The following RHOU variants were observed in gnomAD, a reference collection of about 807,000 sequenced individuals.
RHOU encodes rho-related GTP-binding protein RhoU.
In RHOU, 8 loss-of-function variants were observed where a neutral mutation model predicts 12.6. The ratio of observed to expected loss-of-function variants is 0.64; its 90% CI spans 0.37 to 1.15. The LOEUF (loss-of-function observed/expected upper bound fraction) is 1.15, where lower values mean the gene tolerates loss of function less well. Among genes scored for constraint, RHOU ranks in the 50% most tolerant of loss-of-function variants. RHOU has a pLI of 0.01. For missense variants in RHOU, 258 were observed against 347.0 expected (o/e 0.74, Z 2.04); for synonymous variants, 161 against 147.4 (o/e 1.09, Z -0.67).
the RHOU span, among the ~76,000 whole-genome samples, chr1:228,723,972 C>T: frequency 1.3e-5 from 2 of 152,186 alleles, no homozygotes; most frequent in African/African-American, 4.8e-5. Flanking sequence ...GACTTGCTCT[C>T]TTACATCTTT....
the RHOU span, among the ~76,000 whole-genome samples, chr1:228,654,521 T>C: frequency 1.4e-3 from 217 of 152,320 alleles, 1 homozygote; most frequent in Non-Finnish European, 2.9e-3. Flanking sequence ...AACAAGAAGT[T>C]GATTGGCTTC....
rs1199047526 is a variant in RHOU at position 228,737,763 on chromosome 1, A to G, written c.321+32A>G. 2 of 1,607,954 alleles carry G rather than the reference A, an allele frequency of 1.2e-6. No homozygotes were observed. The highest frequency in any genetic ancestry group is 3.3e-5 in the Admixed American group (2 of 60,010). On this transcript the variant is annotated intron_variant, in intron 2 of 2. Transcript: ENST00000366691. The surrounding 1 kb of genome is among the most constrained non-coding windows in gnomAD (Gnocchi z 4.1). ...ATCACGTTACAGCTCAGTGCTGGGA[A>G]AGGAAACAGCCTTTTAAAGATTTCC...
chr1:228,732,692 T>A (rs1662519341), upstream of RHOU, among the ~76,000 whole-genome samples: 1 of 151,668 alleles, frequency 6.6e-6, no homozygotes, highest in African/African-American at 2.4e-5. Flanking sequence ...GGGCGTGGGA[T>A]GATATTCAGC....
chr1:228,723,269 A>T, the RHOU span, among the ~76,000 whole-genome samples: 2 of 152,234 alleles, frequency 1.3e-5, no homozygotes, highest in African/African-American at 2.4e-5. Context: ...AGAAGGAAGA[A>T]GTACAGAGAC....
the RHOU span, among the ~76,000 whole-genome samples, chr1:228,707,251 ATATAGTGTGTGTGTGTGT>A: frequency 0.074 from 7,087 of 96,030 alleles, 286 homozygotes; most frequent in Middle Eastern, 0.2. Flanking sequence ...ATATATATAT[ATATAGTGTGTGTGTGTGT>A]GTGTGTGTGT....
chr1:228,705,093 C>T, the RHOU span, among the ~76,000 whole-genome samples: 6 of 151,866 alleles, frequency 4.0e-5, no homozygotes, highest in African/African-American at 1.2e-4. Context: ...TGAGCCACCA[C>T]ACCTGGCCAA....
the RHOU span, among the ~76,000 whole-genome samples, chr1:228,716,091 CT>C: frequency 6.6e-6 from 1 of 151,914 alleles, no homozygotes; most frequent in African/African-American, 2.4e-5. Context: ...TAACAAAAAT[CT>C]TTTTTGTAAA....
At chr1:228,716,641 A>G in the RHOU span, among the ~76,000 whole-genome samples, 1 of 152,084 alleles carries the variant, frequency 6.6e-6, no homozygotes, top group African/African-American at 2.4e-5. Context: ...TGGTCACAAC[A>G]TAGTTGACAT....
the RHOU span, among the ~76,000 whole-genome samples, chr1:228,647,058 A>G: frequency 1.3e-5 from 2 of 152,156 alleles, no homozygotes; most frequent in East Asian, 3.9e-4. Flanking sequence ...CTAGAGAGCG[A>G]GAACGTTTGA....
At chr1:228,711,264 C>T in the RHOU span, among the ~76,000 whole-genome samples, 1 of 151,964 alleles carries the variant, frequency 6.6e-6, no homozygotes, top group Admixed American at 6.6e-5. Flanking sequence ...GTGCCATCCC[C>T]ATCAAGCTAC....
the RHOU span, among the ~76,000 whole-genome samples, chr1:228,711,896 T>TCA: frequency 1.4e-5 from 2 of 143,428 alleles, no homozygotes; most frequent in Non-Finnish European, 3.0e-5. Context: ...GAGAAAATTT[T>TCA]CACAACCTAC....
the RHOU span, among the ~76,000 whole-genome samples, chr1:228,725,523 G>A: frequency 6.6e-6 from 1 of 152,110 alleles, no homozygotes; most frequent in Non-Finnish European, 1.5e-5. Flanking sequence ...GCAGCAACAA[G>A]GGACGCCATC....
chr1:228,743,852 A>G lies in RHOU; in HGVS notation c.*112A>G. ...GAACCTATATCGAGAGTGTGTGTATATGTATTATAGGAGGAGCTCTCAATT... is the reference window on the plus strand; with the variant it reads ...GAACCTATATCGAGAGTGTGTGTATGTGTATTATAGGAGGAGCTCTCAATT... On this transcript the variant is annotated 3_prime_UTR_variant, in exon 3 of 3. Transcript: ENST00000366691. This position sits in a 1 kb window ranked among gnomAD's most constrained non-coding sequence, Gnocchi z 5.1. 1 of 900,668 alleles carries G rather than the reference A, an allele frequency of 1.1e-6. No homozygotes were observed. The highest frequency in any genetic ancestry group is 1.7e-6 in the Non-Finnish European group (1 of 595,906). The allele number at this position is 900,668 out of a possible 1,614,324, so 55.8% of individuals were successfully genotyped here.
the RHOU span, among the ~76,000 whole-genome samples, chr1:228,693,410 C>G: frequency 6.6e-6 from 1 of 152,054 alleles, no homozygotes; most frequent in Non-Finnish European, 1.5e-5. Context: ...AACACACATT[C>G]AAGGAAAAAG....
the RHOU span, among the ~76,000 whole-genome samples, chr1:228,690,699 C>G: frequency 6.6e-6 from 1 of 152,010 alleles, no homozygotes; most frequent in Non-Finnish European, 1.5e-5. Flanking sequence ...CTCACTGAAA[C>G]CTTTGCCTTC....
At position 228,738,163 on chromosome 1, in the gene RHOU, C is replaced by T. The variant is rs987933671; in HGVS notation, c.321+432C>T. ...TTGCTCAAGAAAAAGATGGAATTTA[C>T]ATCAGTAAGGGTTAATATTTCCCTT... is the stretch of plus-strand genomic sequence containing the variant. On this transcript the variant is annotated intron_variant, in intron 2 of 2. Transcript: ENST00000366691. The surrounding 1 kb of genome is among the most constrained non-coding windows in gnomAD (Gnocchi z 4.2). Among the ~76,000 whole-genome samples the T allele has an allele frequency of 1.3e-5, 2 of 152,200 alleles. No homozygotes were observed. Among genetic ancestry groups the T allele is most frequent in the Non-Finnish European group, 2.9e-5 (2 of 68,038 alleles).
At chr1:228,696,094 G>C in the RHOU span, among the ~76,000 whole-genome samples, 1 of 152,084 alleles carries the variant, frequency 6.6e-6, no homozygotes. Context: ...TTGAAATTTA[G>C]GAAAATAGAG....
chr1:228,703,736 G>A, the RHOU span, among the ~76,000 whole-genome samples: 1 of 152,066 alleles, frequency 6.6e-6, no homozygotes, highest in African/African-American at 2.4e-5. Flanking sequence ...AAGAATCAAG[G>A]CCATTTAATC....
At chr1:228,681,012 T>C in the RHOU span, among the ~76,000 whole-genome samples, 2 of 152,202 alleles carry the variant, frequency 1.3e-5, no homozygotes, top group Non-Finnish European at 2.9e-5. Flanking sequence ...GAAGACTCTT[T>C]CCCATTCATC....
Sources: gnomAD v4.1 joint callset for allele counts (sites outside exome capture counted in the v4.1 genomes callset) on GRCh38, gnomAD v4.1.1 for gene constraint, Gnocchi (gnomAD v3.1) non-coding constraint, MANE v1.5 for transcripts, NCBI Gene and HGNC (gene_info 2026-07-23, HGNC 2026-07-21) for gene names.